The following TASP1 variants were observed in gnomAD, a reference collection of about 807,000 sequenced individuals.
TASP1 encodes threonine aspartase 1.
Under a neutral mutation model 56.6 loss-of-function variants are expected in TASP1, and 16 were observed. That is an observed-to-expected ratio of 0.28 (90% CI 0.19 to 0.43). The LOEUF is 0.43. Among genes scored for constraint, TASP1 ranks in the 20% least tolerant of loss-of-function variants. TASP1 has a pLI of 1.00. For synonymous variants in TASP1, 179 were observed against 184.2 expected, an observed-to-expected ratio of 0.97 and a Z score of 0.23; for missense variants, 393 against 511.6, an observed-to-expected ratio of 0.77 and a Z score of 2.24.
chr20:13,206,746 C>G, the TASP1 span, among the ~76,000 whole-genome samples: 1 of 152,230 alleles, frequency 6.6e-6, no homozygotes, highest in African/African-American at 2.4e-5. Context: ...TTTCAGGAAT[C>G]AGTTCTAGAA....
At chr20:13,469,821 TTTTTTGA>T in intron 11 of TASP1, among the ~76,000 whole-genome samples, 2 of 119,618 alleles carry the variant, frequency 1.7e-5, no homozygotes, top group Non-Finnish European at 3.2e-5. Context: ...TTTTTTTTTT[TTTTTTGA>T]GAGAGTGTCT....
At chr20:13,556,519 A>G (rs1384827442) in intron 8 of TASP1, among the ~76,000 whole-genome samples, 1 of 152,236 alleles carries the variant, frequency 6.6e-6, no homozygotes, top group Non-Finnish European at 1.5e-5. Context: ...AATAAAATAA[A>G]TAAAATTCTT....
chr20:13,295,829 G>A, the TASP1 span, among the ~76,000 whole-genome samples: 1 of 152,214 alleles, frequency 6.6e-6, no homozygotes, highest in Non-Finnish European at 1.5e-5. Context: ...AGAGCAGCCA[G>A]GGGGTGGATG....
At chr20:13,223,023 C>T in the TASP1 span, among the ~76,000 whole-genome samples, 4 of 152,004 alleles carry the variant, frequency 2.6e-5, no homozygotes. Flanking sequence ...ATTAGCTGGG[C>T]GTGGTGGCGC....
intron 10 of TASP1, among the ~76,000 whole-genome samples, chr20:13,516,640 A>G (rs2044544379): frequency 6.7e-6 from 1 of 148,666 alleles, no homozygotes; most frequent in South Asian, 2.1e-4. Flanking sequence ...TTAACTCATC[A>G]CTTGATCTTA....
chr20:13,405,280 T>C (rs986862442), intron 13 of TASP1, among the ~76,000 whole-genome samples: 1 of 152,236 alleles, frequency 6.6e-6, no homozygotes, highest in African/African-American at 2.4e-5. Context: ...AATGTATACT[T>C]AATTAAAGTT....
the TASP1 span, among the ~76,000 whole-genome samples, chr20:13,189,519 G>C: frequency 6.6e-6 from 1 of 151,998 alleles, no homozygotes; most frequent in Non-Finnish European, 1.5e-5. Context: ...CTCAAAAGAA[G>C]ACATCTCAAA....
At chr20:13,213,921 C>A in the TASP1 span, among the ~76,000 whole-genome samples, 1 of 152,190 alleles carries the variant, frequency 6.6e-6, no homozygotes, top group African/African-American at 2.4e-5. Context: ...CCTAGGCTTT[C>A]AAAGAATGTT....
chr20:13,387,259 T>C (rs2041171074), downstream of TASP1, among the ~76,000 whole-genome samples: 1 of 145,700 alleles, frequency 6.9e-6, no homozygotes, highest in South Asian at 2.2e-4. Flanking sequence ...AATGGCGTGA[T>C]CTCGGCTCAC....
At chr20:13,560,732 T>A (rs767391341) in intron 7 of TASP1, among the ~76,000 whole-genome samples, 1 of 151,718 alleles carries the variant, frequency 6.6e-6, no homozygotes, top group Non-Finnish European at 1.5e-5. Flanking sequence ...TTGCATAGAT[T>A]TACAAATATA....
chr20:13,409,588 A>G (rs2042030478), intron 13 of TASP1, among the ~76,000 whole-genome samples: 1 of 151,780 alleles, frequency 6.6e-6, no homozygotes, highest in African/African-American at 2.4e-5. Context: ...AACTTTTTCT[A>G]TTATTTTTCA....
chr20:13,279,933 G>A, the TASP1 span: 6 of 1,595,744 alleles, frequency 3.8e-6, no homozygotes, highest in Non-Finnish European at 4.3e-6. Flanking sequence ...AAATTGGTGG[G>A]AAGAATAAAC....
At chr20:13,391,286 G>C (rs2041265076) in intron 13 of TASP1, among the ~76,000 whole-genome samples, 1 of 152,204 alleles carries the variant, frequency 6.6e-6, no homozygotes, top group South Asian at 2.1e-4. Flanking sequence ...ACATCACTCA[G>C]AGGAGGCTGG....
chr20:13,159,607 T>C, the TASP1 span, among the ~76,000 whole-genome samples: 1 of 152,208 alleles, frequency 6.6e-6, no homozygotes, highest in African/African-American at 2.4e-5. Context: ...AGATTCTTTC[T>C]TTATGGAATT....
the TASP1 span, among the ~76,000 whole-genome samples, chr20:13,296,911 G>A: frequency 4.0e-5 from 6 of 151,852 alleles, no homozygotes; most frequent in South Asian, 2.1e-4. Flanking sequence ...CCAGCTACTC[G>A]GGAGACTGAG....
chr20:13,613,404 A>T (rs140246365), intron 4 of TASP1, among the ~76,000 whole-genome samples: 90 of 152,298 alleles, frequency 5.9e-4, no homozygotes, highest in Non-Finnish European at 1.0e-3. Flanking sequence ...GTTGTGCCGA[A>T]AACACAGAAA....
chr20:13,634,919 T>C (rs1041602627), intron 1 of TASP1, among the ~76,000 whole-genome samples: 2 of 151,720 alleles, frequency 1.3e-5, no homozygotes, highest in Non-Finnish European at 1.5e-5. Flanking sequence ...TCCCAGCTAC[T>C]CGGAAGGCTG....
At position 13,390,062 on chromosome 20, in the gene TASP1, A is replaced by C. The variant is rs898284277; in HGVS notation, c.*298T>G. ...CACATTTTGTAAAGATGATTTAACC[A>C]TTCCTGGTCACACAATGAGGAGTTT... On this transcript the variant is annotated 3_prime_UTR_variant, in exon 14 of 14. Coordinates refer to ENST00000337743, the MANE Select transcript of TASP1 (RefSeq NM_017714.3). The C allele has an allele frequency of 4.4e-5, 12 of 270,406 alleles. No homozygotes were observed. The highest frequency in any genetic ancestry group is 8.6e-5 in the Non-Finnish European group (12 of 140,044). 16.8% of individuals were successfully genotyped at this position (270,406 alleles called of 1,614,324 possible). A position where few individuals can be genotyped will look rare whatever the true frequency, so the allele number is the denominator to read the frequency against.
At chr20:13,218,068 G>A in the TASP1 span, among the ~76,000 whole-genome samples, 1 of 151,934 alleles carries the variant, frequency 6.6e-6, no homozygotes, top group Non-Finnish European at 1.5e-5. Flanking sequence ...TGGCCAATAC[G>A]GTGAAAATCT....
Sources: gnomAD v4.1 joint callset for allele counts (sites outside exome capture counted in the v4.1 genomes callset) on GRCh38, gnomAD v4.1.1 for gene constraint, MANE v1.5 for transcripts, NCBI Gene and HGNC (gene_info 2026-07-23, HGNC 2026-07-21) for gene names.